Variants in SALL3 observed in about 807,000 individuals in gnomAD.
The protein encoded by SALL3 is sal-like protein 3.
SALL3 carries 25 observed loss-of-function variants against 66.2 expected under a neutral mutation model. The ratio of observed to expected loss-of-function variants is 0.38; its 90% CI spans 0.28 to 0.53. The LOEUF (loss-of-function observed/expected upper bound fraction) is 0.53, where lower values mean the gene tolerates loss of function less well. SALL3 is among the 20% of genes least tolerant of loss of function. The pLI, the probability that SALL3 is intolerant of heterozygous loss-of-function variation, is 0.85. For missense variants in SALL3, 2,194 were observed against 1,916.5 expected (o/e 1.14, Z -2.70); for synonymous variants, 1,152 against 899.1 (o/e 1.28, Z -5.03).
chr18:78,995,517 T>A, intron 2 of SALL3, 55 bp downstream of exon 2: 1 of 1,495,804 alleles, frequency 6.7e-7, no homozygotes, highest in Non-Finnish European at 8.8e-7. Context: ...CCACGGTGGC[T>A]TTCTCCATCA....
chr18:78,993,806 C>T lies in SALL3; in HGVS notation c.1815C>T (p.Asn605=), dbSNP rs1274809398. Residue 605 remains asparagine, a synonymous_variant, in exon 2 of 3, where the codon AAC becomes AAT. Transcript: ENST00000537592. ...AGCCCGTCAGCCTGCCCTGCACCAA[C>T]GCCAGGGCCGGGGACGCTCCCGTGG... ...KAEPVSLPCT[N]ARAGDAPVGA... is the part of the protein sequence containing the mutation. 6.4e-7 allele frequency: 1 copy of T among 1,553,008 alleles called. No homozygotes were observed. The highest frequency in any genetic ancestry group is 1.2e-5 in the South Asian group (1 of 84,710).
Position 78,994,880 on chromosome 18 carries a change from C to G in SALL3, c.2889C>G (p.Ser963Arg). ...RAGIKEEAPF[S>R]LLFLSRERGK... Reference sequence around the variant, plus strand: ...GCATCAAGGAGGAGGCGCCCTTCAGCCTGCTGTTCCTGAGCAGGGAGCGGG... The same window carrying G: ...GCATCAAGGAGGAGGCGCCCTTCAGGCTGCTGTTCCTGAGCAGGGAGCGGG... The change falls in exon 2 of 3, where the codon AGC becomes AGG. Residue 963 changes from serine (S) to arginine (R), a missense_variant. Ser to Arg is a moderately radical substitution (Grantham distance 110, BLOSUM62 -1). Transcript: ENST00000537592. The G allele has an allele frequency of 6.2e-7, 1 of 1,610,026 alleles. No homozygotes were observed. The highest frequency in any genetic ancestry group is 8.5e-7 in the Non-Finnish European group (1 of 1,178,440).
At position 78,995,120 on chromosome 18, in the gene SALL3, A is replaced by G. The variant is rs2146219930; in HGVS notation, c.3129A>G (p.Leu1043=). Residue 1043 remains leucine, a synonymous_variant, in exon 2 of 3, where the codon CTA becomes CTG. Transcript: ENST00000537592. Reference sequence around the variant, plus strand: ...AGTTATTTGACCCCAACTTTGCTCTAGGTCCCAGCCAAAGCACTCCTAGCC... The same window carrying G: ...AGTTATTTGACCCCAACTTTGCTCTGGGTCCCAGCCAAAGCACTCCTAGCC... ...PSQLFDPNFA[L]GPSQSTPSLI... is the part of the protein sequence containing the mutation. The G allele has an allele frequency of 6.2e-7, 1 of 1,613,830 alleles. No individual in the cohort carries two copies. The highest frequency in any genetic ancestry group is 2.2e-5 in the East Asian group (1 of 44,876).
rs891900601 is a variant in SALL3 at position 78,993,690 on chromosome 18, T to A, written c.1699T>A (p.Ser567Thr). Reference protein sequence around the residue: ...SPASSECASLSPGLNHVESGV... With the variant: ...SPASSECASLTPGLNHVESGV... ...CGCCTCCAGCGAGTGCGCCTCCTTG[T>A]CCCCAGGCCTCAACCACGTGGAGTC... The change falls in exon 2 of 3, where the codon TCC (serine) becomes ACC (threonine). Residue 567 changes from serine to threonine, a missense_variant. Transcript: ENST00000537592. The A allele has an allele frequency of 6.3e-7, 1 of 1,578,750 alleles. No individual in the cohort carries two copies. Among genetic ancestry groups the A allele is most frequent in the Non-Finnish European group, 8.5e-7 (1 of 1,169,664 alleles).
chr18:78,996,483 C>T (rs1914697429), intron 2 of SALL3, among the ~76,000 whole-genome samples: 1 of 152,128 alleles, frequency 6.6e-6, no homozygotes. Flanking sequence ...AGGAGAGGGG[C>T]ACAGTCAGAG....
At chr18:78,991,543 A>G (rs1789269) in intron 1 of SALL3, 2 of 153,406 alleles carry the variant, frequency 1.3e-5, no homozygotes, top group East Asian at 3.8e-4. Context: ...AGGTTCTGTA[A>G]GTAACCTTAC....
Position 78,993,639 on chromosome 18 carries a change from A to G in SALL3, c.1648A>G (p.Ser550Gly). Reference protein sequence around the residue: ...YADSPSATPASRSPQRPSPAS... With the variant: ...YADSPSATPAGRSPQRPSPAS... ...CGACTCTCCCAGCGCCACCCCAGCC[A>G]GCCGCTCCCCGCAGAGGCCCTCGCC... Residue 550 changes from serine (S) to glycine (G), a missense_variant, in exon 2 of 3, where the codon AGC (serine) becomes GGC (glycine). By Grantham distance (56) the Ser-to-Gly change is moderately conservative. Transcript: ENST00000537592. The G allele has an allele frequency of 6.3e-7, 1 of 1,587,830 alleles. No homozygotes were observed.
chr18:78,994,536 A>G lies in SALL3; in HGVS notation c.2545A>G (p.Met849Val), dbSNP rs1914609480. ...SIAALENQMK[M>V]IDSVMSCQQL... Reference sequence around the variant, plus strand: ...TGCCGCCCTGGAGAACCAGATGAAGATGATCGACTCGGTCATGAGCTGCCA... The same window carrying G: ...TGCCGCCCTGGAGAACCAGATGAAGGTGATCGACTCGGTCATGAGCTGCCA... The change falls in exon 2 of 3, where the codon ATG becomes GTG. Residue 849 changes from methionine (M) to valine (V), a missense_variant. Physicochemically the swap from Met to Val is conservative, Grantham distance 21. Coordinates refer to ENST00000537592, the MANE Select transcript of SALL3 (RefSeq NM_171999.4). 3.1e-6 allele frequency: 5 copies of G among 1,607,032 alleles called. No individual in the cohort carries two copies. Among genetic ancestry groups the G allele is most frequent in the Admixed American group, 1.7e-5 (1 of 59,750 alleles).
At chr18:78,989,272 C>G (rs1329420960) in intron 1 of SALL3, among the ~76,000 whole-genome samples, 1 of 151,768 alleles carries the variant, frequency 6.6e-6, no homozygotes, top group East Asian at 1.9e-4. Flanking sequence ...GGAAGTGAAC[C>G]CTAAAAATAT....
Position 78,980,168 on chromosome 18 carries a change from C to CCCCG in SALL3, c.-106_-105insCCGC. 1 of 233,894 alleles carries CCCCG rather than the reference C, an allele frequency of 4.3e-6. No homozygotes were observed. The allele number at this position is 233,894 out of a possible 1,614,324, so 14.5% of individuals were successfully genotyped here. A position where few individuals can be genotyped will look rare whatever the true frequency, so the allele number is the denominator to read the frequency against. ...CCATGCGCGGCCCGCGCAGCCGCCGCCGCCCCGCGCCCCGCGCCGCGCGCC... is the reference window on the plus strand; with the variant it reads ...CCATGCGCGGCCCGCGCAGCCGCCGCCCCGCGCCCCGCGCCCCGCGCCGCGCGCC... On this transcript the variant is annotated 5_prime_UTR_variant, in exon 1 of 3. An upstream open reading frame in the 5' UTR loses its in-frame stop. Transcript: ENST00000537592.
rs978649939 is a variant in SALL3 at position 78,980,198 on chromosome 18, A to AGGCCGCCCCGCGCCGTCCCCGCC, written c.-65_-43dup. On this transcript the variant is annotated 5_prime_UTR_variant, in exon 1 of 3. It introduces an in-frame stop codon into an upstream open reading frame of the 5' UTR. Coordinates refer to ENST00000537592, the MANE Select transcript of SALL3 (RefSeq NM_171999.4). The stretch of plus-strand genomic sequence containing the variant: ...CCGCGCCCCGCGCCGCGCGCCCGCC[A>AGGCCGCCCCGCGCCGTCCCCGCC]GGCCGCCCCGCGCCGTCCCCGCCGG... 11 of 631,522 alleles carry AGGCCGCCCCGCGCCGTCCCCGCC rather than the reference A, an allele frequency of 1.7e-5. No individual in the cohort carries two copies. Among genetic ancestry groups the AGGCCGCCCCGCGCCGTCCCCGCC allele is most frequent in the Non-Finnish European group, 2.2e-5 (11 of 511,414 alleles). 39.1% of individuals were successfully genotyped at this position (631,522 alleles called of 1,614,324 possible). A position where few individuals can be genotyped will look rare whatever the true frequency, so the allele number is the denominator to read the frequency against.
Position 78,994,377 on chromosome 18 carries a change from TACG to T in SALL3, c.2388_2390del (p.Asp799del), listed in dbSNP as rs1340794177. 1.9e-6 allele frequency: 3 copies of T among 1,613,342 alleles called. No homozygotes were observed. In the Admixed American group the frequency reaches 5.0e-5, roughly 27 times the overall value. ...CAAGAACGCGGAGACCCTGAGCAGC[TACG>T]ATGACGACATGGACGAGAACTCCAT... On this transcript the variant is annotated inframe_deletion, in exon 2 of 3. Transcript: ENST00000537592.
Position 78,994,173 on chromosome 18 carries a change from G to A in SALL3, c.2182G>A (p.Val728Met), listed in dbSNP as rs1599181324. 3 of 1,613,154 alleles carry A rather than the reference G, an allele frequency of 1.9e-6. No homozygotes were observed. The highest frequency in any genetic ancestry group is 2.5e-6 in the Non-Finnish European group (3 of 1,179,992). Residue 728 changes from valine (V) to methionine (M), a missense_variant, in exon 2 of 3, where the codon GTG becomes ATG. Coordinates refer to ENST00000537592, the MANE Select transcript of SALL3 (RefSeq NM_171999.4). Reference sequence around the variant, plus strand: ...GGGCAACCTCAAGACGCACTTCGGCGTGCACCGTGCAAAGCCGCCCCTGCG... The same window carrying A: ...GGGCAACCTCAAGACGCACTTCGGCATGCACCGTGCAAAGCCGCCCCTGCG... ...TKGNLKTHFG[V>M]HRAKPPLRVQ... is the part of the protein sequence containing the mutation.
At chr18:78,990,720 G>T (rs984246248) in intron 1 of SALL3, among the ~76,000 whole-genome samples, 1 of 152,214 alleles carries the variant, frequency 6.6e-6, no homozygotes, top group African/African-American at 2.4e-5. Context: ...AAGAGCTGAT[G>T]TGCAGCTGTC....
At chr18:78,980,457 A>C (rs1192906219) in intron 1 of SALL3, 101 bp downstream of exon 1, 2 of 683,924 alleles carry the variant, frequency 2.9e-6, no homozygotes, top group East Asian at 8.7e-5. Context: ...CGGGAGCGGG[A>C]GAAAGTTCCC....
At chr18:78,981,117 C>A (rs1914050583) in intron 1 of SALL3, among the ~76,000 whole-genome samples, 1 of 152,228 alleles carries the variant, frequency 6.6e-6, no homozygotes, top group Non-Finnish European at 1.5e-5. Flanking sequence ...CTGGTAGGAG[C>A]GTCCTCTTCG....
In SALL3 at chr18:78,996,928, C is replaced by T. The variant is rs533436270; in HGVS notation, c.3509C>T (p.Ala1170Val). The change falls in exon 3 of 3, where the codon GCG becomes GTG. Residue 1170 changes from alanine to valine, a missense_variant. Ala to Val is a moderately conservative substitution (Grantham distance 64). Transcript: ENST00000537592. ...MGTHMWNNAP[A>V]RRGRRLSVEN... ...ACACACATGTGGAATAACGCCCCCG[C>T]GAGACGCGGCCGCCGCCTGTCTGTG... 6.4e-5 allele frequency: 103 copies of T among 1,612,764 alleles called. No homozygotes were observed. The highest frequency in any genetic ancestry group is 6.3e-4 in the South Asian group (57 of 91,056).
intron 2 of SALL3, 69 bp from the exon 3 acceptor site, chr18:78,996,822 C>A: frequency 6.8e-7 from 1 of 1,476,124 alleles, no homozygotes; most frequent in South Asian, 1.3e-5. Flanking sequence ...GTCTGCTGCG[C>A]TGGAAGCGGA....
chr18:78,997,082 C>T lies in SALL3; in HGVS notation c.3663C>T (p.Asn1221=), dbSNP rs1367258360. The T allele has an allele frequency of 9.3e-6, 15 of 1,613,998 alleles. No homozygotes were observed. Among genetic ancestry groups the T allele is most frequent in the African/African-American group, 2.7e-5 (2 of 74,926 alleles). ...FWNQYAAAIT[N]GLAMKNNEIS... ...ACCAGTATGCTGCAGCCATCACTAA[C>T]GGGCTCGCCATGAAGAACAACGAGA... The change falls in exon 3 of 3, where the codon AAC becomes AAT. Residue 1221 remains asparagine, a synonymous_variant. Transcript: ENST00000537592.
Sources: allele counts gnomAD v4.1 joint callset (sites outside exome capture counted in the v4.1 genomes callset), GRCh38; gene constraint gnomAD v4.1.1; transcripts MANE v1.5; gene names NCBI Gene and HGNC (gene_info 2026-07-23, HGNC 2026-07-21).